COL12A1: variants seen among roughly 807,000 people sequenced by gnomAD.
The protein encoded by COL12A1 is collagen type XII alpha 1 chain, also known as collagen alpha-1(XII) chain.
COL12A1 carries 114 observed loss-of-function variants against 349.7 expected under a neutral mutation model. The observed-to-expected ratio is 0.33, with a 90% CI of 0.28 to 0.38. The LOEUF is 0.38. Ranked by LOEUF, COL12A1 falls within the 10% of genes least tolerant of loss-of-function variation. The probability of loss-of-function intolerance (pLI) is 1.00; values close to 1 mark genes in which losing one functional copy is unlikely to be tolerated. For missense variants in COL12A1, 3,284 were observed against 3,756.9 expected (o/e 0.87, Z 3.29); for synonymous variants, 1,369 against 1,329.0 (o/e 1.03, Z -0.66).
At chr6:75,135,602 C>A (rs1766567455) in intron 31 of COL12A1, among the ~76,000 whole-genome samples, 1 of 152,156 alleles carries the variant, frequency 6.6e-6, no homozygotes, top group South Asian at 2.1e-4. Flanking sequence ...ATTAAAATCG[C>A]ATGAAAATGG....
intron 14 of COL12A1, among the ~76,000 whole-genome samples, chr6:75,162,446 T>G (rs1450911010): frequency 6.6e-6 from 1 of 152,218 alleles, no homozygotes; most frequent in Non-Finnish European, 1.5e-5. Context: ...TTGGGAAAAC[T>G]GGCTAGCCAT....
intron 43 of COL12A1, 103 bp downstream of exon 43, chr6:75,123,227 T>A: frequency 9.9e-7 from 1 of 1,014,062 alleles, no homozygotes; most frequent in Non-Finnish European, 1.5e-6. Context: ...CAATAATAGA[T>A]CAGAAATGTT....
At chr6:75,166,480 C>T (rs1469365608) in intron 13 of COL12A1, among the ~76,000 whole-genome samples, 3 of 152,094 alleles carry the variant, frequency 2.0e-5, no homozygotes, top group Non-Finnish European at 4.4e-5. Context: ...TAAATTTTGG[C>T]TCTTTCATTC....
chr6:75,142,790 C>A (rs145572793), intron 26 of COL12A1, among the ~76,000 whole-genome samples: 1 of 152,294 alleles, frequency 6.6e-6, no homozygotes, highest in African/African-American at 2.4e-5. Flanking sequence ...AAAGAACACT[C>A]CCAAAAGGAC....
chr6:75,119,966 A>T (rs1490321709), intron 44 of COL12A1, among the ~76,000 whole-genome samples: 1 of 152,224 alleles, frequency 6.6e-6, no homozygotes, highest in African/African-American at 2.4e-5. Context: ...AAAAGTACAG[A>T]CTTTGTACTC....
intron 58 of COL12A1, among the ~76,000 whole-genome samples, chr6:75,098,715 C>G (rs1305116591): frequency 6.6e-6 from 1 of 152,144 alleles, no homozygotes; most frequent in Non-Finnish European, 1.5e-5. Flanking sequence ...GAGAGGAAAT[C>G]CTCAATCCTG....
At chr6:75,147,091 G>A (rs996821965) in intron 23 of COL12A1, among the ~76,000 whole-genome samples, 2 of 152,126 alleles carry the variant, frequency 1.3e-5, no homozygotes, top group African/African-American at 4.8e-5. Flanking sequence ...CCCCAAAAGC[G>A]CTACTCAAAG....
intron 21 of COL12A1, among the ~76,000 whole-genome samples, chr6:75,150,209 A>G (rs1261963896): frequency 6.6e-6 from 1 of 152,214 alleles, no homozygotes; most frequent in Admixed American, 6.5e-5. Context: ...CTCACATAAT[A>G]AGAGCCATAA....
chr6:75,120,161 A>G (rs977241679), intron 44 of COL12A1, among the ~76,000 whole-genome samples: 17 of 152,322 alleles, frequency 1.1e-4, no homozygotes, highest in Middle Eastern at 3.4e-3. Context: ...TTTTTTAGAA[A>G]TACAAATTCC....
chr6:75,175,655 G>C (rs1253575582), intron 12 of COL12A1, among the ~76,000 whole-genome samples: 3 of 152,158 alleles, frequency 2.0e-5, no homozygotes, highest in African/African-American at 4.8e-5. Flanking sequence ...ACATTGATTA[G>C]TATTACAATG....
rs192500193 is a variant in COL12A1 at position 75,138,232 on chromosome 6, C to T, written c.5251+88G>A. 5 of 1,296,312 alleles carry T rather than the reference C, an allele frequency of 3.9e-6. No individual in the cohort carries two copies. In the East Asian group the frequency reaches 1.2e-4, roughly 30 times the overall value. 80.3% of individuals were successfully genotyped at this position (1,296,312 alleles called of 1,614,324 possible). Reference sequence around the variant, plus strand: ...ATCTTAGGATTTAAAAGCAGATGACCTATTTATTATGTATCTTATGGTACT... The same window carrying T: ...ATCTTAGGATTTAAAAGCAGATGACTTATTTATTATGTATCTTATGGTACT... On this transcript the variant is annotated intron_variant, in intron 30 of 65. Transcript: ENST00000322507.
At chr6:75,118,840 T>C (rs1769210849) in intron 46 of COL12A1, among the ~76,000 whole-genome samples, 2 of 152,168 alleles carry the variant, frequency 1.3e-5, no homozygotes, top group Non-Finnish European at 2.9e-5. Context: ...GAACCACATC[T>C]TATACAAAGA....
At chr6:75,143,462 C>A in intron 25 of COL12A1, 74 bp from the exon 26 acceptor site, 1 of 1,528,586 alleles carries the variant, frequency 6.5e-7, no homozygotes, top group Non-Finnish European at 8.8e-7. Flanking sequence ...TGCAAGCTTT[C>A]AAGAAGTTGT....
At position 75,087,676 on chromosome 6, in the gene COL12A1, G is replaced by A. The variant is rs1767569916; in HGVS notation, c.9082C>T (p.Arg3028Cys). ...CCTCGGATACCTGAGTTTCCAGGAC[G>A]GCCAGGGGGGCCAGGGGGACCTCTT... is the stretch of plus-strand genomic sequence containing the variant. The part of the protein sequence containing the change: ...GSRGPPGPPG[R>C]PGNSGIRGPP... The change falls in exon 65 of 66, where the codon CGT becomes TGT. Residue 3028 changes from arginine (R) to cysteine (C), a missense_variant. Physicochemically the swap from Arg to Cys is radical, Grantham distance 180. Transcript: ENST00000322507. 8 of 1,609,056 alleles carry A rather than the reference G, an allele frequency of 5.0e-6. No individual in the cohort carries two copies. The highest frequency in any genetic ancestry group is 2.2e-5 in the East Asian group (1 of 44,752).
intron 25 of COL12A1, among the ~76,000 whole-genome samples, chr6:75,144,249 A>G (rs183040076): frequency 6.2e-4 from 95 of 152,250 alleles, no homozygotes; most frequent in Middle Eastern, 3.4e-3. Flanking sequence ...CTTTCAGAAC[A>G]TGAGTCTCTA....
At chr6:75,123,579 C>G (rs1765853931) in intron 42 of COL12A1, among the ~76,000 whole-genome samples, 175 bp from the exon 43 acceptor site, 1 of 152,164 alleles carries the variant, frequency 6.6e-6, no homozygotes. Context: ...ATTGATGTCA[C>G]TGGTAGTCAT....
chr6:75,195,970 T>C (rs940544484), intron 2 of COL12A1, among the ~76,000 whole-genome samples: 2 of 152,206 alleles, frequency 1.3e-5, no homozygotes, highest in Non-Finnish European at 2.9e-5. Flanking sequence ...CAGAAATAGT[T>C]TACATACAAA....
chr6:75,158,915 G>T (rs540596498), intron 14 of COL12A1, among the ~76,000 whole-genome samples: 1 of 151,980 alleles, frequency 6.6e-6, no homozygotes, highest in East Asian at 1.9e-4. Flanking sequence ...TAATTAATTG[G>T]AGTACCTGAA....
intron 8 of COL12A1, among the ~76,000 whole-genome samples, chr6:75,185,611 A>T (rs1769571125): frequency 6.6e-6 from 1 of 152,230 alleles, no homozygotes; most frequent in South Asian, 2.1e-4. Flanking sequence ...AGAACTAGAA[A>T]CACCTATTTT....
Sources: gnomAD v4.1 joint callset for allele counts (sites outside exome capture counted in the v4.1 genomes callset) on GRCh38, gnomAD v4.1.1 for gene constraint, MANE v1.5 for transcripts, NCBI Gene and HGNC (gene_info 2026-07-23, HGNC 2026-07-21) for gene names.